Variants in APPL1 observed in about 807,000 individuals in gnomAD.
The protein encoded by APPL1 is DCC-interacting protein 13-alpha.
A neutral mutation model predicts 106.8 loss-of-function variants in APPL1; 42 were observed. The ratio of observed to expected loss-of-function variants is 0.39; its 90% CI spans 0.31 to 0.51. The LOEUF is 0.51. Among genes scored for constraint, APPL1 ranks in the 20% least tolerant of loss-of-function variants. The probability of loss-of-function intolerance (pLI) is 0.75; values close to 1 mark genes in which losing one functional copy is unlikely to be tolerated. For synonymous variants in APPL1, 263 were observed against 281.8 expected, an observed-to-expected ratio of 0.93 and a Z score of 0.67; for missense variants, 769 against 858.2, an observed-to-expected ratio of 0.90 and a Z score of 1.30.
Position 57,256,662 on chromosome 3 carries a change from T to C in APPL1, c.1153-295T>C, listed in dbSNP as rs191775069. Among the ~76,000 whole-genome samples, 185 of 152,302 alleles carry C rather than the reference T, an allele frequency of 1.2e-3. 1 individual carries two copies. The highest frequency in any genetic ancestry group is 4.3e-3 in the African/African-American group (178 of 41,576). ...AGTTAAAAATGTAAAGAAAACAATA[T>C]TTTCTTTAAAAATTTAAAGTGTGCA... is the stretch of plus-strand genomic sequence containing the variant. On this transcript the variant is annotated intron_variant, in intron 13 of 21. Coordinates refer to ENST00000288266, the MANE Select transcript of APPL1 (RefSeq NM_012096.3).
At chr3:57,231,648 A>G (rs944894519) in intron 1 of APPL1, among the ~76,000 whole-genome samples, 1 of 151,926 alleles carries the variant, frequency 6.6e-6, no homozygotes, top group Non-Finnish European at 1.5e-5. Context: ...TCATCTCTAC[A>G]AAAAATAAAA....
At chr3:57,243,694 T>A (rs1015820491) in intron 7 of APPL1, among the ~76,000 whole-genome samples, 9 of 152,254 alleles carry the variant, frequency 5.9e-5, no homozygotes, top group African/African-American at 2.2e-4. Context: ...TAATTTTAGC[T>A]GCAGACTACT....
At chr3:57,237,090 A>G (rs746549110) in intron 2 of APPL1, among the ~76,000 whole-genome samples, 1 of 152,214 alleles carries the variant, frequency 6.6e-6, no homozygotes, top group Non-Finnish European at 1.5e-5. Context: ...ATGTTATATG[A>G]CTGGGTCAAC....
Position 57,246,067 on chromosome 3 carries a change from C to T in APPL1, c.475-9C>T, listed in dbSNP as rs765186153. The stretch of plus-strand genomic sequence containing the variant: ...ATTTACTTAATTATTTAAATCTTTT[C>T]ATTCAAAGGTGAAGTATGAAGTAAC... On this transcript the variant is annotated splice_polypyrimidine_tract_variant and intron_variant, in intron 7 of 21. Transcript: ENST00000288266. 2.6e-6 allele frequency: 4 copies of T among 1,550,804 alleles called. No individual in the cohort carries two copies. Among genetic ancestry groups the T allele is most frequent in the Non-Finnish European group, 3.5e-6 (4 of 1,152,822 alleles).
At position 57,269,491 on chromosome 3, in the gene APPL1, C is replaced by T. The variant is rs187579973; in HGVS notation, c.1984-50C>T. ...AATGTATCTTAACTGCATAATTTGCCATTTGACTGCAGACAAGTAACTTAG... is the reference window on the plus strand; with the variant it reads ...AATGTATCTTAACTGCATAATTTGCTATTTGACTGCAGACAAGTAACTTAG... On this transcript the variant is annotated intron_variant, in intron 21 of 21. Coordinates refer to ENST00000288266, the MANE Select transcript of APPL1 (RefSeq NM_012096.3). 9.7e-5 allele frequency: 155 copies of T among 1,600,428 alleles called. 3 individuals carry two copies. The Admixed American group carries it at 2.5e-3, about 26-fold the overall frequency.
chr3:57,251,108 G>C (rs930091157), intron 11 of APPL1, among the ~76,000 whole-genome samples: 10 of 150,974 alleles, frequency 6.6e-5, no homozygotes, highest in Middle Eastern at 3.4e-3. Flanking sequence ...CGCCCGGCCT[G>C]AACTTTCTTA....
chr3:57,254,813 CA>C (rs2060826105), intron 13 of APPL1, among the ~76,000 whole-genome samples: 1 of 152,026 alleles, frequency 6.6e-6, no homozygotes, highest in Non-Finnish European at 1.5e-5. Flanking sequence ...TTAATAGAGA[CA>C]GGGTTTTGCC....
chr3:57,240,658 C>T, intron 5 of APPL1, 106 bp downstream of exon 5: 1 of 960,912 alleles, frequency 1.0e-6, no homozygotes, highest in Non-Finnish European at 1.6e-6. Context: ...GCCTATGCCA[C>T]TCTTACTTTG....
rs2060957220 is a variant in APPL1, at chr3:57,273,132, C to T, written c.*3445C>T. On this transcript the variant is annotated 3_prime_UTR_variant, in exon 22 of 22. Coordinates refer to ENST00000288266, the MANE Select transcript of APPL1 (RefSeq NM_012096.3). ...TCTGTGGCTTCACTCATGAAATTTA[C>T]TTCAGTTAATATGAGACTGGGGGTT... 1 of 152,612 alleles carries T rather than the reference C, an allele frequency of 6.6e-6. No homozygotes were observed. The highest frequency in any genetic ancestry group is 2.1e-4 in the South Asian group (1 of 4,836). The allele number at this position is 152,612 out of a possible 1,614,324, so 9.5% of individuals were successfully genotyped here.
Position 57,246,232 on chromosome 3 carries a change from G to A in APPL1, c.621+10G>A. 1 of 1,575,530 alleles carries A rather than the reference G, an allele frequency of 6.3e-7. No homozygotes were observed. Among genetic ancestry groups the A allele is most frequent in the Non-Finnish European group, 8.6e-7 (1 of 1,165,560 alleles). ...GTACATGCAAGCTCAGGTAAATACT[G>A]TACTGTATTTGGATTATAACTGTCC... On this transcript the variant is annotated intron_variant, in intron 8 of 21. Transcript: ENST00000288266.
At chr3:57,243,826 C>CAAAGTATTTT (rs1288815647) in intron 7 of APPL1, among the ~76,000 whole-genome samples, 1 of 152,098 alleles carries the variant, frequency 6.6e-6, no homozygotes, top group African/African-American at 2.4e-5. Context: ...TCTGGCTGCT[C>CAAAGTATTTT]AAAGTATTTT....
At chr3:57,253,220 A>G (rs1049636315) in intron 12 of APPL1, among the ~76,000 whole-genome samples, 2 of 152,278 alleles carry the variant, frequency 1.3e-5, no homozygotes, top group Admixed American at 6.5e-5. Context: ...CACCAAGAAT[A>G]TATTTATCTT....
chr3:57,254,082 C>G (rs534891053), intron 13 of APPL1, among the ~76,000 whole-genome samples: 1 of 152,136 alleles, frequency 6.6e-6, no homozygotes, highest in Non-Finnish European at 1.5e-5. Context: ...AGGCTGGTCT[C>G]GAACTCCTGT....
chr3:57,247,414 G>A lies in APPL1; in HGVS notation c.641G>A (p.Gly214Asp), dbSNP rs749769649. 1.2e-6 allele frequency: 2 copies of A among 1,610,108 alleles called. No individual in the cohort carries two copies. Among genetic ancestry groups the A allele is most frequent in the Non-Finnish European group, 1.7e-6 (2 of 1,177,082 alleles). The change falls in exon 9 of 22, where the codon GGT becomes GAT. Residue 214 changes from glycine (G) to aspartate (D), a missense_variant. By Grantham distance (94) the Gly-to-Asp change is moderately conservative. Transcript: ENST00000288266. ...CTCCAGATAAGTTTCTTTAAGATGG[G>A]TTCTGAAAATCTTAATGAACAACTG... ...MQAQISFFKM[G>D]SENLNEQLEE...
chr3:57,256,895 A>G, intron 13 of APPL1, 62 bp from the exon 14 acceptor site: 1 of 1,325,258 alleles, frequency 7.5e-7, no homozygotes, highest in Non-Finnish European at 1.1e-6. Context: ...TCAGAGTTAC[A>G]TTCAAACTTT....
chr3:57,229,700 T>A (rs1296391875), intron 1 of APPL1, among the ~76,000 whole-genome samples: 5 of 113,664 alleles, frequency 4.4e-5, no homozygotes, highest in Non-Finnish European at 6.9e-5. Context: ...CTGTGCCAGC[T>A]TTTTTTTTTT....
chr3:57,265,513 G>A (rs1412094246), intron 19 of APPL1, among the ~76,000 whole-genome samples: 1 of 151,724 alleles, frequency 6.6e-6, no homozygotes, highest in Non-Finnish European at 1.5e-5. Flanking sequence ...TTTATCTGTG[G>A]CTATTGTAAG....
chr3:57,227,890 G>A lies in APPL1; in HGVS notation c.7G>A (p.Gly3Arg), dbSNP rs1022835366. The part of the protein sequence containing the change: MP[G>R]IDKLPIEETL... ...CCGCCCTCCCTCCGCCACGATGCCG[G>A]GGATCGACAAGCTGCCCATCGAGGA... Residue 3 changes from glycine to arginine, a missense_variant, in exon 1 of 22, where the codon GGG becomes AGG. Transcript: ENST00000288266. 2.0e-6 allele frequency: 3 copies of A among 1,468,572 alleles called. No individual in the cohort carries two copies. Among genetic ancestry groups the A allele is most frequent in the Admixed American group, 2.2e-5 (1 of 45,278 alleles). The allele number at this position is 1,468,572 out of a possible 1,614,324, so 91.0% of individuals were successfully genotyped here. A position where few individuals can be genotyped will look rare whatever the true frequency, so the allele number is the denominator to read the frequency against.
rs990764722 is a variant in APPL1, at chr3:57,269,681, A to G, written c.2124A>G (p.Glu708=). 1 of 1,613,982 alleles carries G rather than the reference A, an allele frequency of 6.2e-7. No homozygotes were observed. Among genetic ancestry groups the G allele is most frequent in the African/African-American group, 1.3e-5 (1 of 75,056 alleles). Residue 708 remains glutamate (E), a synonymous_variant, in exon 22 of 22, where the codon GAA becomes GAG. Transcript: ENST00000288266. The part of the protein sequence containing the change: ...LGEGGKKRES[E]A ...AAGGAGGAAAGAAGAGAGAATCAGA[A>G]GCATAAGCTTATACTTTTGGTAGAT...
Sources: gnomAD v4.1 joint callset for allele counts (sites outside exome capture counted in the v4.1 genomes callset) on GRCh38, gnomAD v4.1.1 for gene constraint, MANE v1.5 for transcripts, NCBI Gene and HGNC (gene_info 2026-07-23, HGNC 2026-07-21) for gene names.